Variants in FAM107A observed in about 807,000 individuals in gnomAD.
The protein encoded by FAM107A is actin-associated protein FAM107A.
A neutral mutation model predicts 13.7 loss-of-function variants in FAM107A; 19 were observed. The observed-to-expected ratio is 1.38, with a 90% CI of 0.97 to 2.03. FAM107A has a LOEUF of 2.03. FAM107A is among the 30% of genes most tolerant of loss of function. The pLI is 0.00. For missense variants in FAM107A, 203 were observed against 184.4 expected, an observed-to-expected ratio of 1.10 and a Z score of -0.58; for synonymous variants, 82 against 74.5, an observed-to-expected ratio of 1.10 and a Z score of -0.52.
At chr3:58,619,242 C>T (rs1035874438) in intron 1 of FAM107A, among the ~76,000 whole-genome samples, 15 of 152,164 alleles carry the variant, frequency 9.9e-5, no homozygotes, top group Admixed American at 8.5e-4. Flanking sequence ...CTCAAGTGAT[C>T]CTCCCTCCTT....
At chr3:58,580,575 C>T (rs542465092), upstream of FAM107A, among the ~76,000 whole-genome samples, 154 of 151,814 alleles carry the variant, frequency 1.0e-3, 1 homozygote, top group African/African-American at 3.0e-3. Context: ...CCACCACACC[C>T]AGCTAATTTT....
intron 2 of FAM107A, among the ~76,000 whole-genome samples, chr3:58,568,183 C>G (rs893468919): frequency 2.0e-5 from 3 of 151,854 alleles, no homozygotes; most frequent in Non-Finnish European, 2.9e-5. Context: ...GCCTGTAATC[C>G]CAGCACTTTG....
chr3:58,590,227 G>A (rs528890105), upstream of FAM107A, among the ~76,000 whole-genome samples: 6 of 152,252 alleles, frequency 3.9e-5, no homozygotes, highest in East Asian at 1.2e-3. Context: ...TCCAACATGT[G>A]CCTCCCCTGT....
intron 1 of FAM107A, among the ~76,000 whole-genome samples, chr3:58,599,287 G>A (rs2065732971): frequency 6.6e-6 from 1 of 152,130 alleles, no homozygotes; most frequent in Non-Finnish European, 1.5e-5. Flanking sequence ...ACACCCTTAT[G>A]CTTGCTGCCT....
At chr3:58,579,169 C>A (rs987293183), upstream of FAM107A, among the ~76,000 whole-genome samples, 2 of 152,046 alleles carry the variant, frequency 1.3e-5, no homozygotes, top group African/African-American at 4.8e-5. Flanking sequence ...AGTCTGTACA[C>A]ATGGGAGAGT....
At chr3:58,587,016 C>A in exon 1 of FAM107A, 1 of 1,389,128 alleles carries the variant, frequency 7.2e-7, no homozygotes, top group South Asian at 1.5e-5. Context: ...AGCCGAAGCG[C>A]CTCCGCGACG....
chr3:58,566,914 C>T, intron 3 of FAM107A: 1 of 607,134 alleles, frequency 1.6e-6, no homozygotes. Flanking sequence ...GCCTCAGCTT[C>T]CCCATCTCTA....
At chr3:58,568,297 T>TG (rs1432066317) in intron 2 of FAM107A, among the ~76,000 whole-genome samples, 1 of 152,012 alleles carries the variant, frequency 6.6e-6, no homozygotes, top group Non-Finnish European at 1.5e-5. Context: ...TAGCCGAGTG[T>TG]GGTGGCGGGC....
intron 1 of FAM107A, among the ~76,000 whole-genome samples, chr3:58,593,907 C>T (rs1386856916): frequency 6.6e-6 from 1 of 152,098 alleles, no homozygotes; most frequent in Admixed American, 6.6e-5. Context: ...CATTTCGCAC[C>T]AACAAGCTGC....
upstream of FAM107A, among the ~76,000 whole-genome samples, chr3:58,591,437 G>A (rs115058033): frequency 0.013 from 1,991 of 152,218 alleles, 56 homozygotes; most frequent in African/African-American, 0.046. The surrounding 1 kb of genome is among the most constrained non-coding windows in gnomAD (Gnocchi z 4.3). Context: ...CAGGGTGGCC[G>A]AAGTGGAGGG....
intron 1 of FAM107A, among the ~76,000 whole-genome samples, chr3:58,594,043 C>T (rs760765227): frequency 8.6e-5 from 13 of 151,952 alleles, no homozygotes; most frequent in African/African-American, 2.4e-4. Flanking sequence ...GTGCATCTCT[C>T]GGCAAAGACC....
At chr3:58,593,628 C>T (rs2065673208) in intron 1 of FAM107A, among the ~76,000 whole-genome samples, 1 of 151,962 alleles carries the variant, frequency 6.6e-6, no homozygotes, top group African/African-American at 2.4e-5. Flanking sequence ...CCCTGTTCTC[C>T]AGTCGCTCCC....
chr3:58,604,276 T>C lies in FAM107A; in HGVS notation c.-69-15007A>G, dbSNP rs2065775339. 6.6e-6 allele frequency among the ~76,000 whole-genome samples: 1 copy of C among 151,786 alleles called. No individual in the cohort carries two copies. The highest frequency in any genetic ancestry group is 1.5e-5 in the Non-Finnish European group (1 of 67,950). On this transcript the variant is annotated intron_variant, in intron 1 of 3. Coordinates refer to the FAM107A transcript ENST00000465970. This position sits in a 1 kb window ranked among gnomAD's most constrained non-coding sequence, Gnocchi z 4.1. ...TTCAACATTATTATACTTGGGAGAG[T>C]GACATCCCAACTCGTGCTCCCTCCA...
chr3:58,618,249 GCA>G (rs2065921965), intron 1 of FAM107A, among the ~76,000 whole-genome samples: 2 of 152,308 alleles, frequency 1.3e-5, no homozygotes, highest in African/African-American at 4.8e-5. Flanking sequence ...GCCTGCTTTT[GCA>G]CAGTGTTATC....
At chr3:58,580,279 A>G (rs950402931), upstream of FAM107A, among the ~76,000 whole-genome samples, 1 of 152,114 alleles carries the variant, frequency 6.6e-6, no homozygotes, top group African/African-American at 2.4e-5. Flanking sequence ...GTGGAGGCAA[A>G]TACACTAATC....
chr3:58,589,202 T>C, upstream of FAM107A: 1 of 1,529,634 alleles, frequency 6.5e-7, no homozygotes, highest in South Asian at 1.2e-5. Context: ...CGGGTCTGAC[T>C]TACCTGAGCC....
chr3:58,567,480 G>A (rs1424148499), intron 2 of FAM107A, 116 bp from the exon 3 acceptor site: 2 of 1,224,950 alleles, frequency 1.6e-6, no homozygotes, highest in African/African-American at 1.5e-5. Context: ...AATCCTCCCT[G>A]TAGCCTTGGA....
chr3:58,578,654 A>G (rs1386709770), upstream of FAM107A, among the ~76,000 whole-genome samples: 1 of 152,252 alleles, frequency 6.6e-6, no homozygotes, highest in Non-Finnish European at 1.5e-5. Flanking sequence ...ATGCTTATAG[A>G]TAATGGAGGC....
intron 1 of FAM107A, among the ~76,000 whole-genome samples, chr3:58,596,252 C>G (rs1436010995): frequency 6.6e-6 from 1 of 152,192 alleles, no homozygotes; most frequent in Non-Finnish European, 1.5e-5. Context: ...ATTGCTTCTC[C>G]TAGAGGCTGA....
Sources: gnomAD v4.1 joint callset for allele counts (sites outside exome capture counted in the v4.1 genomes callset) on GRCh38, gnomAD v4.1.1 for gene constraint, Gnocchi (gnomAD v3.1) non-coding constraint, MANE v1.5 for transcripts, NCBI Gene and HGNC (gene_info 2026-07-23, HGNC 2026-07-21) for gene names.